Variants in ATP10B observed in about 807,000 individuals in gnomAD.
The protein encoded by ATP10B is phospholipid-transporting ATPase VB.
ATP10B carries 122 observed loss-of-function variants against 141.2 expected under a neutral mutation model. The ratio of observed to expected loss-of-function variants is 0.86; its 90% confidence interval spans 0.75 to 1.00. The LOEUF is 1.00. Among genes scored for constraint, ATP10B ranks in the 50% least tolerant of loss-of-function variants. The pLI is 0.00. For synonymous variants in ATP10B, 685 were observed against 692.0 expected, an observed-to-expected ratio of 0.99 and a Z score of 0.16; for missense variants, 1,876 against 1,825.3, an observed-to-expected ratio of 1.03 and a Z score of -0.51.
intron 1 of ATP10B, among the ~76,000 whole-genome samples, chr5:160,839,484 C>A (rs559571087): frequency 2.6e-5 from 4 of 151,890 alleles, no homozygotes; most frequent in African/African-American, 7.2e-5. Flanking sequence ...TCAAGGGTAC[C>A]ACAAAGGTAT....
chr5:160,777,991 C>T (rs1770456990), intron 2 of ATP10B, among the ~76,000 whole-genome samples: 1 of 151,992 alleles, frequency 6.6e-6, no homozygotes, highest in African/African-American at 2.4e-5. Flanking sequence ...AAATAAGGGG[C>T]ATCCACATGT....
Position 160,603,981 on chromosome 5 carries a change from C to T in ATP10B, c.3221G>A (p.Gly1074Glu), listed in dbSNP as rs1165563130. 6.2e-7 allele frequency: 1 copy of T among 1,613,582 alleles called. No individual in the cohort carries two copies. Among genetic ancestry groups the T allele is most frequent in the Non-Finnish European group, 8.5e-7 (1 of 1,179,664 alleles). Reference sequence around the variant, plus strand: ...GAACAATACCTGCATGCCTTCCTGTCCAGATATTCCAATTCCAATATCAGC... The same window carrying T: ...GAACAATACCTGCATGCCTTCCTGTTCAGATATTCCAATTCCAATATCAGC... Reference protein sequence around the residue: ...QAADIGIGISGQEGMQAVMSS... With the variant: ...QAADIGIGISEQEGMQAVMSS... Residue 1074 changes from glycine to glutamate, a missense_variant, in exon 20 of 26, where the codon GGA becomes GAA. Coordinates refer to ENST00000327245, the MANE Select transcript of ATP10B (RefSeq NM_025153.3).
intron 2 of ATP10B, among the ~76,000 whole-genome samples, chr5:160,776,666 A>G (rs1770349615): frequency 1.3e-5 from 2 of 152,246 alleles, no homozygotes; most frequent in Admixed American, 6.5e-5. Context: ...GCAGGAACTC[A>G]AAATGTAGCC....
rs773940832 is a variant in ATP10B, at chr5:160,602,559, A to G, written c.3363+18T>C. On this transcript the variant is annotated intron_variant, in intron 21 of 25. Coordinates refer to ENST00000327245, the MANE Select transcript of ATP10B (RefSeq NM_025153.3). ...GCCTGCCAAAGCCCTGGGTGAGAGG[A>G]CGCCATAGGCTACTTACCACGTTCT... 7 of 1,613,266 alleles carry G rather than the reference A, an allele frequency of 4.3e-6. No individual in the cohort carries two copies. In the East Asian group the frequency reaches 1.6e-4, roughly 36 times the overall value.
intron 1 of ATP10B, among the ~76,000 whole-genome samples, chr5:160,826,478 C>A (rs1278874085): frequency 6.6e-6 from 1 of 152,160 alleles, no homozygotes; most frequent in African/African-American, 2.4e-5. Context: ...ATGTACGTCT[C>A]CTCCGGATCA....
chr5:160,898,094 A>G, the ATP10B span, among the ~76,000 whole-genome samples: 1 of 152,124 alleles, frequency 6.6e-6, no homozygotes, highest in Non-Finnish European at 1.5e-5. Context: ...ACTAAAAGGT[A>G]ATAGCATTGG....
chr5:160,833,744 TAA>T (rs1356717368), intron 1 of ATP10B, among the ~76,000 whole-genome samples: 1 of 152,178 alleles, frequency 6.6e-6, no homozygotes, highest in Non-Finnish European at 1.5e-5. Context: ...TGAAACCTTA[TAA>T]GACAGAACCC....
chr5:160,663,339 T>C (rs1051499324), intron 7 of ATP10B, among the ~76,000 whole-genome samples: 1 of 152,152 alleles, frequency 6.6e-6, no homozygotes, highest in Non-Finnish European at 1.5e-5. Flanking sequence ...CACATGCACA[T>C]GTATGTTTAT....
chr5:160,628,835 C>T (rs141891493), intron 13 of ATP10B, among the ~76,000 whole-genome samples: 19 of 152,162 alleles, frequency 1.2e-4, no homozygotes, highest in African/African-American at 4.3e-4. Context: ...TGGCTTGGGA[C>T]TCAACTCACC....
chr5:160,590,284 A>T (rs916576549), intron 23 of ATP10B, among the ~76,000 whole-genome samples: 2 of 152,092 alleles, frequency 1.3e-5, no homozygotes, highest in Non-Finnish European at 2.9e-5. Context: ...CAGGAAAGCC[A>T]AGCAAAGACC....
chr5:160,641,009 C>T (rs1393814183), intron 9 of ATP10B, among the ~76,000 whole-genome samples: 1 of 152,108 alleles, frequency 6.6e-6, no homozygotes, highest in Admixed American at 6.5e-5. Flanking sequence ...TATGGGCTAG[C>T]AGTGGGATAC....
At chr5:160,801,675 CA>C (rs2127931806) in intron 1 of ATP10B, among the ~76,000 whole-genome samples, 1 of 152,242 alleles carries the variant, frequency 6.6e-6, no homozygotes, top group East Asian at 1.9e-4. Flanking sequence ...GTAAAGACGA[CA>C]GGAGTTCTAA....
intron 2 of ATP10B, among the ~76,000 whole-genome samples, chr5:160,772,069 G>A (rs564853145): frequency 6.6e-6 from 1 of 152,350 alleles, no homozygotes; most frequent in South Asian, 2.1e-4. Context: ...ATTATGAGTA[G>A]CGCTGCAGTG....
chr5:160,602,681 CAA>C lies in ATP10B; in HGVS notation c.3257_3258del (p.Phe1086CysfsTer6). Reference protein sequence around the residue: ...EGMQAVMSSDFAITRFKHLKK... With the variant: ...EGMQAVMSSDXAITRFKHLKK... ...TTGAGATGCTTAAAGCGGGTGATGG[CAA>C]AGTCGCTGGACATGACAGCCTGAGA... On this transcript the variant is annotated frameshift_variant, in exon 21 of 26. Transcript: ENST00000327245. LOFTEE classifies it high-confidence loss of function. 1.9e-6 allele frequency: 3 copies of C among 1,614,004 alleles called. No individual in the cohort carries two copies. Among genetic ancestry groups the C allele is most frequent in the Non-Finnish European group, 2.5e-6 (3 of 1,179,882 alleles).
At chr5:160,665,141 A>G (rs10058152) in intron 7 of ATP10B, among the ~76,000 whole-genome samples, 125,705 of 152,026 alleles carry the variant, frequency 0.83, 52,256 homozygotes, top group South Asian at 0.88. Context: ...CATTGGGATA[A>G]AAGTTCCAAT....
chr5:160,891,002 CGTGT>C, the ATP10B span, among the ~76,000 whole-genome samples: 15 of 150,986 alleles, frequency 9.9e-5, no homozygotes, highest in Admixed American at 2.0e-4. Flanking sequence ...TATGTGTGTG[CGTGT>C]GTGTGTGTGT....
intron 2 of ATP10B, among the ~76,000 whole-genome samples, chr5:160,729,432 A>T (rs554410574): frequency 2.6e-5 from 4 of 152,268 alleles, no homozygotes; most frequent in Non-Finnish European, 5.9e-5. Context: ...GCTAACAAGG[A>T]TTACAAAGAT....
the ATP10B span, among the ~76,000 whole-genome samples, chr5:160,904,476 T>A: frequency 7.1e-6 from 1 of 140,672 alleles, no homozygotes; most frequent in Non-Finnish European, 1.5e-5. Flanking sequence ...TCTCTATAGC[T>A]ATATATTTGC....
intron 18 of ATP10B, among the ~76,000 whole-genome samples, chr5:160,608,628 G>A (rs1757536901): frequency 6.6e-6 from 1 of 152,122 alleles, no homozygotes; most frequent in African/African-American, 2.4e-5. Context: ...CATTCTAGCT[G>A]GTTTAAGATG....
Sources: allele counts gnomAD v4.1 joint callset (sites outside exome capture counted in the v4.1 genomes callset), GRCh38; gene constraint gnomAD v4.1.1; transcripts MANE v1.5; gene names NCBI Gene and HGNC (gene_info 2026-07-23, HGNC 2026-07-21).